Variants in CCDC3 observed in about 807,000 individuals in gnomAD.
The protein encoded by CCDC3 is coiled-coil domain containing 3.
In CCDC3, 24 loss-of-function variants were observed where a neutral mutation model predicts 21.4. The ratio of observed to expected loss-of-function variants is 1.12; its 90% CI spans 0.81 to 1.58. The LOEUF (loss-of-function observed/expected upper bound fraction) is 1.58, where lower values mean the gene tolerates loss of function less well. CCDC3 is among the 40% of genes most tolerant of loss of function. CCDC3 has a pLI of 0.00. For missense variants in CCDC3, 425 were observed against 360.9 expected (o/e 1.18, Z -1.44); for synonymous variants, 186 against 166.0 (o/e 1.12, Z -0.93).
At chr10:12,915,809 A>G (rs939382508) in intron 2 of CCDC3, among the ~76,000 whole-genome samples, 1 of 152,080 alleles carries the variant, frequency 6.6e-6, no homozygotes, top group Non-Finnish European at 1.5e-5. Flanking sequence ...ATTGTGGTGG[A>G]CCTTGACCCT....
chr10:13,021,882 C>G (rs1836150990), intron 5 of CCDC3, among the ~76,000 whole-genome samples: 1 of 152,218 alleles, frequency 6.6e-6, no homozygotes. Flanking sequence ...GCCTCAGCCT[C>G]CCAAGTAGCT....
intron 4 of CCDC3, among the ~76,000 whole-genome samples, chr10:13,067,484 T>C (rs776028141): frequency 5.9e-5 from 9 of 152,198 alleles, no homozygotes; most frequent in Non-Finnish European, 1.2e-4. Flanking sequence ...AAAAAGGATT[T>C]GTGAGGTTGG....
chr10:13,091,039 G>A (rs935999109), intron 3 of CCDC3, among the ~76,000 whole-genome samples: 1 of 152,170 alleles, frequency 6.6e-6, no homozygotes, highest in Non-Finnish European at 1.5e-5. Context: ...TCAAGGGCAG[G>A]AAGCATCCAG....
chr10:12,915,820 GGATC>G (rs1159326451), intron 2 of CCDC3, among the ~76,000 whole-genome samples: 4 of 152,164 alleles, frequency 2.6e-5, no homozygotes, highest in African/African-American at 9.7e-5. Flanking sequence ...CCTTGACCCT[GGATC>G]TGTAGGTCTT....
At chr10:13,001,736 T>A (rs977717762), upstream of CCDC3, 1 of 341,610 alleles carries the variant, frequency 2.9e-6, no homozygotes, top group Non-Finnish European at 4.2e-6. Flanking sequence ...CGCGCCACGC[T>A]TTAAAAGGGT....
intron 2 of CCDC3, among the ~76,000 whole-genome samples, chr10:12,953,866 A>C (rs1835044958): frequency 6.6e-6 from 1 of 152,234 alleles, no homozygotes; most frequent in Non-Finnish European, 1.5e-5. Flanking sequence ...TTTTCAGTAA[A>C]GGCCGGATAA....
At chr10:13,042,068 A>C (rs1053093668) in intron 5 of CCDC3, among the ~76,000 whole-genome samples, 3 of 152,224 alleles carry the variant, frequency 2.0e-5, no homozygotes, top group Non-Finnish European at 4.4e-5. Flanking sequence ...GACTCTCCAG[A>C]AACAATGAGA....
At chr10:13,081,995 C>T (rs1451491331) in intron 3 of CCDC3, among the ~76,000 whole-genome samples, 2 of 152,268 alleles carry the variant, frequency 1.3e-5, no homozygotes, top group East Asian at 1.9e-4. Context: ...AATGCAGTAC[C>T]CTGTGGGTCA....
chr10:13,035,973 G>A (rs1003607102), intron 5 of CCDC3, among the ~76,000 whole-genome samples: 3 of 152,064 alleles, frequency 2.0e-5, no homozygotes, highest in South Asian at 2.1e-4. Context: ...GTGAAACCCC[G>A]TCTGTACTAA....
At chr10:12,939,727 T>C (rs188570770) in intron 2 of CCDC3, among the ~76,000 whole-genome samples, 1 of 152,104 alleles carries the variant, frequency 6.6e-6, no homozygotes, top group Admixed American at 6.5e-5. Flanking sequence ...TGCAGAAAAA[T>C]TGCTTGATAT....
intron 5 of CCDC3, among the ~76,000 whole-genome samples, chr10:13,011,138 G>A (rs1482206760): frequency 1.3e-5 from 2 of 148,354 alleles, no homozygotes; most frequent in East Asian, 4.0e-4. Flanking sequence ...TTGAGATGGC[G>A]CCACTGCATT....
intron 2 of CCDC3, among the ~76,000 whole-genome samples, chr10:12,909,060 T>C (rs142260272): frequency 1.3e-5 from 2 of 152,316 alleles, no homozygotes; most frequent in African/African-American, 4.8e-5. Flanking sequence ...CCTGGTATCC[T>C]TGGACACTCA....
intron 2 of CCDC3, among the ~76,000 whole-genome samples, chr10:12,924,495 A>C (rs281851): frequency 0.38 from 58,067 of 152,062 alleles, 11,372 homozygotes; most frequent in East Asian, 0.48. Flanking sequence ...CAGCCTAAGA[A>C]TATCTAAACT....
intron 1 of CCDC3, 46 bp from the exon 2 acceptor site, chr10:12,998,558 G>T (rs759960006): frequency 1.9e-6 from 3 of 1,570,182 alleles, no homozygotes; most frequent in East Asian, 4.5e-5. Flanking sequence ...ACAGTCAAGG[G>T]TGTACCAGCT....
chr10:13,033,406 A>G (rs1289719794), intron 5 of CCDC3, among the ~76,000 whole-genome samples: 2 of 152,230 alleles, frequency 1.3e-5, no homozygotes, highest in African/African-American at 4.8e-5. Flanking sequence ...AAACCTAGGC[A>G]ATACCATTCA....
chr10:12,910,646 G>T (rs1231256030), intron 2 of CCDC3, among the ~76,000 whole-genome samples: 3 of 134,676 alleles, frequency 2.2e-5, no homozygotes, highest in African/African-American at 5.7e-5. Context: ...GTCTTGCTCT[G>T]TTGCCCAGGC....
At chr10:13,050,456 C>CT (rs35126304) in intron 4 of CCDC3, among the ~76,000 whole-genome samples, 1,246 of 98,516 alleles carry the variant, frequency 0.013, 16 homozygotes, top group Non-Finnish European at 0.016. Context: ...ATTATTTATT[C>CT]TTTTTTTTTT....
At chr10:13,047,813 G>T (rs1392755365) in intron 5 of CCDC3, among the ~76,000 whole-genome samples, 1 of 152,158 alleles carries the variant, frequency 6.6e-6, no homozygotes, top group Non-Finnish European at 1.5e-5. Context: ...TCTGAGACAG[G>T]TCTCAATCAA....
At chr10:13,071,133 G>T (rs559211303) in intron 4 of CCDC3, among the ~76,000 whole-genome samples, 1 of 152,124 alleles carries the variant, frequency 6.6e-6, no homozygotes, top group African/African-American at 2.4e-5. Context: ...GACAAAGGGA[G>T]CTAACCAAAG....
Sources: allele counts gnomAD v4.1 joint callset (sites outside exome capture counted in the v4.1 genomes callset), GRCh38; gene constraint gnomAD v4.1.1; transcripts MANE v1.5; gene names NCBI Gene and HGNC (gene_info 2026-07-23, HGNC 2026-07-21).